The following HORMAD2 variants were observed in gnomAD, a reference collection of about 807,000 sequenced individuals.
HORMAD2 encodes the protein HORMA domain containing 2.
In HORMAD2, 45 loss-of-function variants were observed where a neutral mutation model predicts 38.8. The ratio of observed to expected loss-of-function variants is 1.16; its 90% CI spans 0.91 to 1.49. The LOEUF is 1.49. HORMAD2 is among the 40% of genes most tolerant of loss of function. The probability of loss-of-function intolerance (pLI) is 0.00; values close to 1 mark genes in which losing one functional copy is unlikely to be tolerated. For missense variants in HORMAD2, 338 were observed against 367.0 expected, an observed-to-expected ratio of 0.92 and a Z score of 0.65; for synonymous variants, 126 against 122.8, an observed-to-expected ratio of 1.03 and a Z score of -0.17.
At chr22:30,164,963 A>G (rs1925689557) in intron 10 of HORMAD2, among the ~76,000 whole-genome samples, 1 of 152,156 alleles carries the variant, frequency 6.6e-6, no homozygotes. Context: ...AGTCCAATTT[A>G]CCTATTTTTT....
chr22:30,093,904 AT>A lies in HORMAD2; in HGVS notation c.-37-6del, dbSNP rs1347607187. 4 of 1,339,512 alleles carry A rather than the reference AT, an allele frequency of 3.0e-6. No homozygotes were observed. The East Asian group carries it at 7.2e-5, about 24-fold the overall frequency. 83.0% of individuals were successfully genotyped at this position (1,339,512 alleles called of 1,614,324 possible). A position where few individuals can be genotyped will look rare whatever the true frequency, so the allele number is the denominator to read the frequency against. The stretch of plus-strand genomic sequence containing the variant: ...TGGCAAGGTCTCTAATTAATTAATT[AT>A]TTTTTAATAGGTTGGACTTGTTGAA... On this transcript the variant is annotated splice_polypyrimidine_tract_variant and intron_variant, in intron 1 of 10. Transcript: ENST00000336726.
At chr22:30,167,429 G>C (rs1925855187) in intron 10 of HORMAD2, among the ~76,000 whole-genome samples, 1 of 152,192 alleles carries the variant, frequency 6.6e-6, no homozygotes, top group Admixed American at 6.5e-5. Flanking sequence ...TTTGCCTGGA[G>C]TTAGGGATTC....
At chr22:30,159,049 T>C (rs909604677) in intron 10 of HORMAD2, among the ~76,000 whole-genome samples, 2 of 152,234 alleles carry the variant, frequency 1.3e-5, no homozygotes, top group Non-Finnish European at 2.9e-5. Flanking sequence ...TTCTTTTATA[T>C]GAACTACTGT....
chr22:30,133,093 C>A (rs969713875), intron 10 of HORMAD2, among the ~76,000 whole-genome samples: 1 of 152,082 alleles, frequency 6.6e-6, no homozygotes, highest in African/African-American at 2.4e-5. Context: ...CATTTAAACT[C>A]AGATTTTTTT....
chr22:30,125,940 C>T (rs1415184106), intron 10 of HORMAD2, among the ~76,000 whole-genome samples: 1 of 152,110 alleles, frequency 6.6e-6, no homozygotes, highest in Non-Finnish European at 1.5e-5. Context: ...GACCTCCTTA[C>T]ATTTTGCCCC....
intron 10 of HORMAD2, among the ~76,000 whole-genome samples, chr22:30,151,303 C>T (rs911234342): frequency 6.6e-5 from 10 of 152,056 alleles, no homozygotes; most frequent in African/African-American, 2.4e-4. Flanking sequence ...TTGGAGGAAA[C>T]AAAATAAATG....
chr22:30,111,017 G>A (rs550668684), intron 5 of HORMAD2, among the ~76,000 whole-genome samples: 234 of 151,754 alleles, frequency 1.5e-3, no homozygotes, highest in African/African-American at 5.3e-3. Flanking sequence ...TTAGCTGGGC[G>A]TGGTGGTGCA....
At chr22:30,130,772 A>T (rs1351918466) in intron 10 of HORMAD2, among the ~76,000 whole-genome samples, 1 of 151,058 alleles carries the variant, frequency 6.6e-6, no homozygotes, top group Admixed American at 6.6e-5. Context: ...TATATGTTTT[A>T]TAGAGACAGG....
the HORMAD2 span, among the ~76,000 whole-genome samples, chr22:30,190,716 G>T: frequency 6.6e-6 from 1 of 152,242 alleles, no homozygotes; most frequent in African/African-American, 2.4e-5. Flanking sequence ...CAGCAAAAGT[G>T]TTGAGATTGG....
At chr22:30,159,978 A>G (rs1456810852) in intron 10 of HORMAD2, among the ~76,000 whole-genome samples, 1 of 152,096 alleles carries the variant, frequency 6.6e-6, no homozygotes, top group African/African-American at 2.4e-5. Flanking sequence ...AGCTTGTCAG[A>G]CATGCTCAGC....
intron 10 of HORMAD2, among the ~76,000 whole-genome samples, chr22:30,123,855 A>G (rs1922634497): frequency 6.6e-6 from 1 of 150,934 alleles, no homozygotes; most frequent in African/African-American, 2.4e-5. Flanking sequence ...TTTTTTTTAG[A>G]GACAGGGTCT....
At chr22:30,100,608 T>C (rs1034004108) in intron 3 of HORMAD2, among the ~76,000 whole-genome samples, 2 of 152,072 alleles carry the variant, frequency 1.3e-5, no homozygotes, top group African/African-American at 4.8e-5. Context: ...ACCAAAGAGC[T>C]TCTGCACAGC....
chr22:30,133,153 T>C (rs1345785620), intron 10 of HORMAD2, among the ~76,000 whole-genome samples: 3 of 152,162 alleles, frequency 2.0e-5, no homozygotes, highest in Non-Finnish European at 2.9e-5. Context: ...GAAAAAAGTA[T>C]AATGATAATG....
At chr22:30,142,898 G>A (rs1266179825) in intron 10 of HORMAD2, among the ~76,000 whole-genome samples, 2 of 151,962 alleles carry the variant, frequency 1.3e-5, no homozygotes, top group African/African-American at 4.8e-5. Context: ...ATCAGTTTCA[G>A]GTTTATGCTA....
chr22:30,124,556 C>G (rs923342940), intron 10 of HORMAD2, among the ~76,000 whole-genome samples: 21 of 152,152 alleles, frequency 1.4e-4, no homozygotes, highest in Admixed American at 7.9e-4. Context: ...TATAGTTTTG[C>G]CATGGATGAG....
intron 10 of HORMAD2, among the ~76,000 whole-genome samples, chr22:30,133,667 G>A (rs1923440154): frequency 6.6e-6 from 1 of 151,354 alleles, no homozygotes; most frequent in South Asian, 2.1e-4. Flanking sequence ...AGGATGATTG[G>A]GTCCGTACTG....
At chr22:30,177,380 C>G (rs1261925291), downstream of HORMAD2, among the ~76,000 whole-genome samples, 1 of 152,216 alleles carries the variant, frequency 6.6e-6, no homozygotes, top group Non-Finnish European at 1.5e-5. Context: ...CCTTGCCAGA[C>G]TCTCAGCCAT....
At chr22:30,079,195 AT>A (rs1319571001), upstream of HORMAD2, among the ~76,000 whole-genome samples, 3 of 152,044 alleles carry the variant, frequency 2.0e-5, no homozygotes, top group Non-Finnish European at 4.4e-5. Flanking sequence ...CTCTTGGGAA[AT>A]CCCCTTGGGG....
chr22:30,125,216 CTTTTTTTTTT>C (rs1167990121), intron 10 of HORMAD2, among the ~76,000 whole-genome samples: 3 of 43,484 alleles, frequency 6.9e-5, no homozygotes, highest in South Asian at 1.6e-3. Flanking sequence ...TTTTTCTTTT[CTTTTTTTTTT>C]TTTTTTTTTT....
Sources: allele counts gnomAD v4.1 joint callset (sites outside exome capture counted in the v4.1 genomes callset), GRCh38; gene constraint gnomAD v4.1.1; transcripts MANE v1.5; gene names NCBI Gene and HGNC (gene_info 2026-07-23, HGNC 2026-07-21).